The following SGCG variants were observed in gnomAD, a reference collection of about 807,000 sequenced individuals.
The protein encoded by SGCG is gamma-sarcoglycan.
A neutral mutation model predicts 29.3 loss-of-function variants in SGCG; 26 were observed. The ratio of observed to expected loss-of-function variants is 0.89; its 90% CI spans 0.65 to 1.23. The LOEUF (loss-of-function observed/expected upper bound fraction) is 1.23. Among genes scored for constraint, SGCG ranks in the 50% most tolerant of loss-of-function variants. The probability of loss-of-function intolerance (pLI) is 0.00; values close to 1 mark genes in which losing one functional copy is unlikely to be tolerated. For synonymous variants in SGCG, 145 were observed against 129.7 expected (o/e 1.12, Z -0.80); for missense variants, 353 against 356.0 (o/e 0.99, Z 0.07).
intron 2 of SGCG, among the ~76,000 whole-genome samples, chr13:23,212,247 T>C (rs977113204): frequency 6.6e-6 from 1 of 152,214 alleles, no homozygotes; most frequent in African/African-American, 2.4e-5. Flanking sequence ...GTTGTAGCAA[T>C]GCGAGAATGG....
intron 5 of SGCG, among the ~76,000 whole-genome samples, chr13:23,286,014 T>G (rs1404403242): frequency 1.3e-5 from 2 of 152,168 alleles, no homozygotes; most frequent in East Asian, 3.9e-4. Context: ...TCTTCTGCAT[T>G]AATCTCGCTG....
upstream of SGCG, among the ~76,000 whole-genome samples, chr13:23,177,098 T>C (rs1393239647): frequency 1.3e-5 from 2 of 152,162 alleles, no homozygotes; most frequent in Admixed American, 6.5e-5. Context: ...AAGGACATCA[T>C]GTTAAGTAAA....
At chr13:23,177,855 A>T (rs1050415383), upstream of SGCG, among the ~76,000 whole-genome samples, 1 of 152,048 alleles carries the variant, frequency 6.6e-6, no homozygotes, top group Non-Finnish European at 1.5e-5. Context: ...CTAGGATTAC[A>T]GGCATGAGCC....
chr13:23,186,430 C>G (rs2137471799), intron 1 of SGCG, among the ~76,000 whole-genome samples: 1 of 152,304 alleles, frequency 6.6e-6, no homozygotes, highest in South Asian at 2.1e-4. Context: ...CTGGGACTCA[C>G]ATTGTGTCCT....
At chr13:23,254,119 G>T (rs1880086555) in intron 4 of SGCG, among the ~76,000 whole-genome samples, 1 of 152,198 alleles carries the variant, frequency 6.6e-6, no homozygotes, top group Admixed American at 6.5e-5. Flanking sequence ...ATACCTGAAG[G>T]TGTGGAAGCA....
chr13:23,256,086 T>C (rs1880165252), intron 4 of SGCG, among the ~76,000 whole-genome samples: 1 of 152,068 alleles, frequency 6.6e-6, no homozygotes, highest in African/African-American at 2.4e-5. Context: ...CAATAACCTA[T>C]AAATATTAAA....
At chr13:23,258,995 G>A (rs1029270075) in intron 4 of SGCG, among the ~76,000 whole-genome samples, 3 of 152,082 alleles carry the variant, frequency 2.0e-5, no homozygotes, top group Non-Finnish European at 1.5e-5. Context: ...CAGGGATATT[G>A]GTCTAAAATT....
intron 4 of SGCG, among the ~76,000 whole-genome samples, chr13:23,256,246 T>C (rs1039993339): frequency 6.6e-6 from 1 of 152,180 alleles, no homozygotes; most frequent in Non-Finnish European, 1.5e-5. Flanking sequence ...TTTATAAAAC[T>C]TGCAAAAGCT....
intron 7 of SGCG, among the ~76,000 whole-genome samples, chr13:23,321,353 A>T (rs1382962595): frequency 6.6e-6 from 1 of 152,216 alleles, no homozygotes; most frequent in African/African-American, 2.4e-5. Flanking sequence ...AGAACCCTGT[A>T]TACACTATCT....
At chr13:23,222,794 CT>C (rs1386613430) in intron 2 of SGCG, among the ~76,000 whole-genome samples, 2 of 152,184 alleles carry the variant, frequency 1.3e-5, no homozygotes, top group Non-Finnish European at 2.9e-5. Context: ...TGCCACTGCA[CT>C]CCAGCCTGGG....
At chr13:23,285,181 C>T (rs1348411456) in intron 5 of SGCG, among the ~76,000 whole-genome samples, 1 of 152,194 alleles carries the variant, frequency 6.6e-6, no homozygotes, top group Non-Finnish European at 1.5e-5. Context: ...CAGGCAGGAA[C>T]ATTTAAGTCT....
intron 1 of SGCG, among the ~76,000 whole-genome samples, chr13:23,200,267 A>G (rs187728752): frequency 7.0e-4 from 106 of 152,274 alleles, no homozygotes; most frequent in African/African-American, 2.5e-3. Flanking sequence ...TACTAAAAAT[A>G]CAAAAATTAG....
intron 4 of SGCG, chr13:23,268,365 T>C (rs1450880200): frequency 6.6e-6 from 1 of 152,260 alleles, no homozygotes; most frequent in East Asian, 1.9e-4. Flanking sequence ...CAGTGAGGAA[T>C]ACACAAACAT....
intron 1 of SGCG, among the ~76,000 whole-genome samples, chr13:23,198,204 T>A (rs5027313): frequency 0.23 from 34,011 of 148,716 alleles, 4,126 homozygotes; most frequent in East Asian, 0.35. Context: ...TGATATTAAC[T>A]CATTTTGGGC....
chr13:23,233,080 T>C (rs1879171315), intron 2 of SGCG, among the ~76,000 whole-genome samples: 1 of 152,180 alleles, frequency 6.6e-6, no homozygotes, highest in Non-Finnish European at 1.5e-5. Flanking sequence ...ACCGAAAGAA[T>C]TGAAAACAGG....
At chr13:23,240,966 G>A (rs981737714) in intron 3 of SGCG, among the ~76,000 whole-genome samples, 11 of 151,732 alleles carry the variant, frequency 7.2e-5, no homozygotes, top group Non-Finnish European at 1.5e-4. Context: ...ATCCTAACAC[G>A]GTGAAACCCT....
At chr13:23,313,017 T>G (rs1268238375) in intron 6 of SGCG, among the ~76,000 whole-genome samples, 1 of 152,180 alleles carries the variant, frequency 6.6e-6, no homozygotes, top group Non-Finnish European at 1.5e-5. Context: ...TCTGAACTGT[T>G]TCCTGAAAAT....
intron 6 of SGCG, among the ~76,000 whole-genome samples, chr13:23,296,271 G>A (rs1325216374): frequency 2.6e-5 from 4 of 152,168 alleles, no homozygotes; most frequent in African/African-American, 9.7e-5. Flanking sequence ...TGTGCAAAAG[G>A]CACTCTTGAA....
At chr13:23,263,104 G>A (rs77588476) in intron 4 of SGCG, among the ~76,000 whole-genome samples, 6,109 of 151,140 alleles carry the variant, frequency 0.04, 146 homozygotes, top group South Asian at 0.1. Flanking sequence ...AGAGAAACAA[G>A]AATAAACCAA....
Sources: allele counts gnomAD v4.1 joint callset (sites outside exome capture counted in the v4.1 genomes callset), GRCh38; gene constraint gnomAD v4.1.1; transcripts MANE v1.5; gene names NCBI Gene and HGNC (gene_info 2026-07-23, HGNC 2026-07-21).